Variants in CCDC171 observed in about 807,000 individuals in gnomAD.
The protein encoded by CCDC171 is coiled-coil domain containing 171.
A neutral mutation model predicts 168.2 loss-of-function variants in CCDC171; 177 were observed. The observed-to-expected ratio is 1.05, with a 90% CI of 0.93 to 1.19. CCDC171 has a LOEUF of 1.19. Among genes scored for constraint, CCDC171 ranks in the 50% most tolerant of loss-of-function variants. The probability of loss-of-function intolerance (pLI) is 0.00; values close to 1 mark genes in which losing one functional copy is unlikely to be tolerated. For synonymous variants in CCDC171, 687 were observed against 540.8 expected (o/e 1.27, Z -3.75); for missense variants, 1,991 against 1,539.0 (o/e 1.29, Z -4.91).
intron 25 of CCDC171, among the ~76,000 whole-genome samples, chr9:15,951,269 T>C (rs10810499): frequency 0.27 from 37,660 of 137,746 alleles, 6,930 homozygotes; most frequent in East Asian, 0.56. Context: ...CTGCACCAAG[T>C]GGACCTAATA....
At chr9:15,780,900 G>T (rs1292662053) in intron 20 of CCDC171, among the ~76,000 whole-genome samples, 1 of 152,016 alleles carries the variant, frequency 6.6e-6, no homozygotes, top group Non-Finnish European at 1.5e-5. Context: ...AAATAATAAA[G>T]AGATGTTTAT....
At position 15,623,313 on chromosome 9, in the gene CCDC171, TAGAAAC is replaced by T; in HGVS notation, c.727_732del (p.Thr243_Glu244del). The T allele has an allele frequency of 6.2e-7, 1 of 1,601,544 alleles. No homozygotes were observed. Among genetic ancestry groups the T allele is most frequent in the Non-Finnish European group, 8.5e-7 (1 of 1,172,834 alleles). ...AATATGCATAAGAAAGTAGAAAAAT[TAGAAAC>T]AGAACATATGGACTGCTCTGACCTT... On this transcript the variant is annotated inframe_deletion, in exon 7 of 26. Coordinates refer to ENST00000380701, the MANE Select transcript of CCDC171 (RefSeq NM_173550.4).
chr9:16,105,039 G>T, the CCDC171 span, among the ~76,000 whole-genome samples: 1 of 152,152 alleles, frequency 6.6e-6, no homozygotes, highest in Non-Finnish European at 1.5e-5. Flanking sequence ...TCTTGATAAA[G>T]CCTGGCCCTC....
chr9:15,822,544 CAAA>C (rs1158293387), intron 21 of CCDC171, among the ~76,000 whole-genome samples: 1 of 152,078 alleles, frequency 6.6e-6, no homozygotes, highest in African/African-American at 2.4e-5. Flanking sequence ...AGACACTTCT[CAAA>C]AGAAGACATT....
chr9:15,632,823 G>A (rs1564096462), intron 7 of CCDC171, among the ~76,000 whole-genome samples: 1 of 152,152 alleles, frequency 6.6e-6, no homozygotes, highest in South Asian at 2.1e-4. Flanking sequence ...CCAAAACAGA[G>A]ATATAGATCA....
the CCDC171 span, among the ~76,000 whole-genome samples, chr9:16,080,695 G>A: frequency 5.3e-5 from 8 of 152,182 alleles, no homozygotes; most frequent in East Asian, 7.7e-4. Flanking sequence ...TGTTCTTAGC[G>A]GTTAACCTAG....
chr9:15,638,530 CA>C (rs2046366490), intron 7 of CCDC171, among the ~76,000 whole-genome samples: 2 of 151,898 alleles, frequency 1.3e-5, no homozygotes, highest in Admixed American at 1.3e-4. Context: ...TATTTAATAT[CA>C]GCAATATCAA....
At chr9:15,753,847 A>T (rs947343549) in intron 18 of CCDC171, among the ~76,000 whole-genome samples, 1 of 152,316 alleles carries the variant, frequency 6.6e-6, no homozygotes. Context: ...CATGAGGAAT[A>T]TTGGAAGGAA....
At chr9:15,678,104 T>G (rs896327876) in intron 9 of CCDC171, among the ~76,000 whole-genome samples, 3 of 149,826 alleles carry the variant, frequency 2.0e-5, no homozygotes, top group Non-Finnish European at 4.4e-5. Flanking sequence ...AGAGATCGAG[T>G]CTTGTTTTGT....
At chr9:15,732,278 T>G in intron 16 of CCDC171, among the ~76,000 whole-genome samples, 1 of 152,224 alleles carries the variant, frequency 6.6e-6, no homozygotes, top group Admixed American at 6.5e-5. Flanking sequence ...GGGAAGATAA[T>G]GTCTTGTTTC....
intron 21 of CCDC171, among the ~76,000 whole-genome samples, chr9:15,833,339 A>G (rs2060313540): frequency 6.6e-6 from 1 of 152,110 alleles, no homozygotes; most frequent in Admixed American, 6.5e-5. Flanking sequence ...TCCAATGTTG[A>G]CCAAAACCTT....
intron 13 of CCDC171, among the ~76,000 whole-genome samples, chr9:15,724,257 C>T (rs897395946): frequency 9.9e-5 from 15 of 152,166 alleles, no homozygotes; most frequent in African/African-American, 3.6e-4. Context: ...TCAGAAGTTT[C>T]CCAGTATTGC....
At position 15,559,893 on chromosome 9, in the gene CCDC171, T is replaced by C. The variant is rs1192645813; in HGVS notation, c.-111-4085T>C. Among the ~76,000 whole-genome samples, 3 of 152,146 alleles carry C rather than the reference T, an allele frequency of 2.0e-5. No individual in the cohort carries two copies. The East Asian group carries it at 5.8e-4, about 29-fold the overall frequency. ...ACCGGTTGTTCCTTTCCATGTTTAG[T>C]GCTTCCTTCAGGAGCTCTTGTAAGG... On this transcript the variant is annotated intron_variant, in intron 1 of 25. Transcript: ENST00000380701.
At chr9:15,625,109 GTCT>G in intron 7 of CCDC171, among the ~76,000 whole-genome samples, 1 of 152,280 alleles carries the variant, frequency 6.6e-6, no homozygotes, top group African/African-American at 2.4e-5. Context: ...CTGCATAAAT[GTCT>G]TCTTTTGAGA....
At chr9:15,821,175 T>A (rs2059755866) in intron 21 of CCDC171, among the ~76,000 whole-genome samples, 1 of 117,496 alleles carries the variant, frequency 8.5e-6, no homozygotes, top group Non-Finnish European at 1.9e-5. Context: ...TAGGTATTGA[T>A]GGGATGTATC....
rs200685315 is a variant in CCDC171, at chr9:15,753,604, A to G, written c.2671+7973A>G. 2.6e-5 allele frequency among the ~76,000 whole-genome samples: 4 copies of G among 152,122 alleles called. No homozygotes were observed. In the East Asian group the frequency reaches 7.7e-4, roughly 29 times the overall value. On this transcript the variant is annotated intron_variant, in intron 18 of 25. Coordinates refer to ENST00000380701, the MANE Select transcript of CCDC171 (RefSeq NM_173550.4). ...AATTAAGACCCTGATAAAGATATGC[A>G]TAGGTAAGATTTATCAAGTAGAAGG...
intron 5 of CCDC171, among the ~76,000 whole-genome samples, chr9:15,592,178 A>T (rs2042051543): frequency 6.6e-6 from 1 of 151,570 alleles, no homozygotes; most frequent in Non-Finnish European, 1.5e-5. Flanking sequence ...AAATTACATG[A>T]CAAAGCCAGG....
chr9:16,093,326 G>T, the CCDC171 span, among the ~76,000 whole-genome samples: 1 of 152,152 alleles, frequency 6.6e-6, no homozygotes, highest in African/African-American at 2.4e-5. Flanking sequence ...ACCTGATACT[G>T]ACCTTCAGGG....
Position 15,758,517 on chromosome 9 carries a change from T to C in CCDC171, c.2671+12886T>C, listed in dbSNP as rs556143627. ...CCTTGTCTCAGATGAGACTTTGGAC[T>C]GTGGACTTTTGAGTTAATGCCGAAA... On this transcript the variant is annotated intron_variant, in intron 18 of 25. Transcript: ENST00000380701. Among the ~76,000 whole-genome samples the C allele has an allele frequency of 2.6e-5, 4 of 152,342 alleles. No homozygotes were observed. In the South Asian group the frequency reaches 6.2e-4, roughly 24 times the overall value.
Sources: allele counts gnomAD v4.1 joint callset (sites outside exome capture counted in the v4.1 genomes callset), GRCh38; gene constraint gnomAD v4.1.1; transcripts MANE v1.5; gene names NCBI Gene and HGNC (gene_info 2026-07-23, HGNC 2026-07-21).